NOL4: variants seen among roughly 807,000 people sequenced by gnomAD.
The protein encoded by NOL4 is cancer/testis antigen 125.
In NOL4, 17 loss-of-function variants were observed where a neutral mutation model predicts 75.9. The ratio of observed to expected loss-of-function variants is 0.22; its 90% confidence interval spans 0.15 to 0.34. The LOEUF (loss-of-function observed/expected upper bound fraction) is 0.34. Among genes scored for constraint, NOL4 ranks in the 10% least tolerant of loss-of-function variants. The probability of loss-of-function intolerance (pLI) is 1.00; values close to 1 mark genes in which losing one functional copy is unlikely to be tolerated. For synonymous variants in NOL4, 292 were observed against 289.9 expected (o/e 1.01, Z -0.07); for missense variants, 614 against 793.5 (o/e 0.77, Z 2.72).
intron 5 of NOL4, among the ~76,000 whole-genome samples, chr18:34,038,538 A>C (rs536061846): frequency 1.3e-5 from 2 of 152,230 alleles, no homozygotes; most frequent in South Asian, 2.1e-4. Context: ...TATACATAGT[A>C]GAATATGATT....
At position 34,182,506 on chromosome 18, in the gene NOL4, T is replaced by C. The variant is rs1600816269; in HGVS notation, c.264+40484A>G. ...TGATGGTTGCACAGCCTTGTGAATATATTTAAAACCAATAAAATATACACT... is the reference window on the plus strand; with the variant it reads ...TGATGGTTGCACAGCCTTGTGAATACATTTAAAACCAATAAAATATACACT... On this transcript the variant is annotated intron_variant, in intron 1 of 10. Coordinates refer to ENST00000261592, the MANE Select transcript of NOL4 (RefSeq NM_003787.5). Among the ~76,000 whole-genome samples the C allele has an allele frequency of 2.6e-5, 4 of 151,738 alleles. No individual in the cohort carries two copies. The East Asian group carries it at 7.7e-4, about 29-fold the overall frequency.
chr18:34,114,128 T>C (rs1421599731), intron 2 of NOL4, among the ~76,000 whole-genome samples: 5 of 152,204 alleles, frequency 3.3e-5, no homozygotes, highest in African/African-American at 1.2e-4. Context: ...TAATCATTCA[T>C]AAATGTCATA....
chr18:33,996,402 TTTTAA>T (rs148123012), intron 6 of NOL4, among the ~76,000 whole-genome samples: 22,456 of 151,682 alleles, frequency 0.15, 1,729 homozygotes, highest in Middle Eastern at 0.23. Flanking sequence ...TATCTATTTA[TTTTAA>T]TTTAAGTCCA....
intron 1 of NOL4, among the ~76,000 whole-genome samples, chr18:34,161,108 T>C (rs1213710375): frequency 6.6e-6 from 1 of 152,208 alleles, no homozygotes; most frequent in Non-Finnish European, 1.5e-5. Flanking sequence ...CTTAACACAA[T>C]GTCCTTCGGG....
intron 1 of NOL4, among the ~76,000 whole-genome samples, chr18:34,171,679 G>T (rs1349272340): frequency 2.0e-5 from 3 of 152,068 alleles, no homozygotes; most frequent in East Asian, 3.9e-4. Flanking sequence ...AGTAATGCTT[G>T]CTCTTACTTC....
intron 5 of NOL4, among the ~76,000 whole-genome samples, chr18:34,035,419 AAATAGGAATAT>A (rs2075841403): frequency 6.6e-6 from 1 of 152,152 alleles, no homozygotes; most frequent in Non-Finnish European, 1.5e-5. Flanking sequence ...AAACAAATGA[AAATAGGAATAT>A]AATATATCAA....
intron 5 of NOL4, among the ~76,000 whole-genome samples, chr18:34,034,840 T>A (rs8091274): frequency 0.84 from 126,996 of 150,856 alleles, 53,275 homozygotes; most frequent in East Asian, 0.96. Flanking sequence ...AACACTAAAA[T>A]GGAAAAAAAA....
chr18:34,178,320 G>C (rs2033734903), intron 1 of NOL4, among the ~76,000 whole-genome samples: 1 of 151,698 alleles, frequency 6.6e-6, no homozygotes, highest in South Asian at 2.1e-4. Context: ...AGACAGTAAA[G>C]AAGGAATTGC....
chr18:34,022,775 T>C (rs1260840619), intron 5 of NOL4, among the ~76,000 whole-genome samples: 3 of 152,060 alleles, frequency 2.0e-5, no homozygotes, highest in Non-Finnish European at 4.4e-5. Flanking sequence ...AAATAAAATC[T>C]ACGTTAGCAT....
chr18:34,162,381 C>T lies in NOL4; in HGVS notation c.265-32361G>A, dbSNP rs925963397. 9.2e-5 allele frequency among the ~76,000 whole-genome samples: 14 copies of T among 152,010 alleles called. No individual in the cohort carries two copies. In the South Asian group the frequency reaches 1.0e-3, roughly 11 times the overall value. On this transcript the variant is annotated intron_variant, in intron 1 of 10. Transcript: ENST00000261592. ...AGAAAAGAGAGAAGAATCAAATAGACGCAATAAAAAATGATAAAGGGGATA... is the reference window on the plus strand; with the variant it reads ...AGAAAAGAGAGAAGAATCAAATAGATGCAATAAAAAATGATAAAGGGGATA...
chr18:34,024,215 A>ATATATATATAT (rs1491509605), intron 5 of NOL4, among the ~76,000 whole-genome samples: 14 of 127,462 alleles, frequency 1.1e-4, no homozygotes, highest in African/African-American at 1.7e-4. Flanking sequence ...ATATATATAT[A>ATATATATATAT]AAATCCTCAT....
At chr18:34,185,308 A>T (rs2034371668) in intron 1 of NOL4, among the ~76,000 whole-genome samples, 2 of 152,184 alleles carry the variant, frequency 1.3e-5, no homozygotes, top group African/African-American at 2.4e-5. Context: ...GATTACTTCT[A>T]GGAATAGCAA....
chr18:33,995,271 A>T (rs1383043713), intron 6 of NOL4, among the ~76,000 whole-genome samples: 6 of 151,612 alleles, frequency 4.0e-5, no homozygotes. Context: ...ATTGAATATT[A>T]CTCTGATACC....
intron 5 of NOL4, among the ~76,000 whole-genome samples, chr18:34,046,700 T>G (rs764845031): frequency 6.8e-6 from 1 of 148,106 alleles, no homozygotes; most frequent in Non-Finnish European, 1.5e-5. Flanking sequence ...GCTATTCTTT[T>G]TCTTTCCTAG....
At chr18:34,023,540 C>A (rs939344031) in intron 5 of NOL4, 3 of 454,646 alleles carry the variant, frequency 6.6e-6, no homozygotes, top group East Asian at 7.0e-5. Context: ...GGCGGTGGTT[C>A]TTCTCTCAAG....
At chr18:33,882,253 T>C (rs1290431661) in intron 10 of NOL4, among the ~76,000 whole-genome samples, 2 of 152,062 alleles carry the variant, frequency 1.3e-5, no homozygotes, top group Admixed American at 6.6e-5. Context: ...GAAACTACCA[T>C]CAGAGTGAAC....
At chr18:33,943,218 C>T in intron 8 of NOL4, 40 bp from the exon 9 acceptor site, 2 of 1,408,840 alleles carry the variant, frequency 1.4e-6, no homozygotes, top group Non-Finnish European at 2.0e-6. Flanking sequence ...AAATTATTAA[C>T]AGTATCATTA....
chr18:33,918,839 A>G (rs1010960902), intron 9 of NOL4, among the ~76,000 whole-genome samples: 1 of 152,146 alleles, frequency 6.6e-6, no homozygotes, highest in Non-Finnish European at 1.5e-5. Context: ...GGAAGTTATG[A>G]AGACAGTGCT....
At chr18:33,946,296 T>C (rs1366451672) in intron 8 of NOL4, among the ~76,000 whole-genome samples, 5 of 151,732 alleles carry the variant, frequency 3.3e-5, no homozygotes, top group Non-Finnish European at 7.4e-5. Flanking sequence ...TAAATGTTAA[T>C]AATATCTAAC....
Sources: allele counts gnomAD v4.1 joint callset (sites outside exome capture counted in the v4.1 genomes callset), GRCh38; gene constraint gnomAD v4.1.1; transcripts MANE v1.5; gene names NCBI Gene and HGNC (gene_info 2026-07-23, HGNC 2026-07-21).